The following CNTNAP2 variants were observed in gnomAD, a reference collection of about 807,000 sequenced individuals.
CNTNAP2 encodes contactin associated protein 2.
A neutral mutation model predicts 155.2 loss-of-function variants in CNTNAP2; 98 were observed. The observed-to-expected ratio is 0.63, with a 90% CI of 0.54 to 0.75. The LOEUF (loss-of-function observed/expected upper bound fraction) is 0.75, where lower values mean the gene tolerates loss of function less well. Ranked by LOEUF, CNTNAP2 falls within the 30% of genes least tolerant of loss-of-function variation. CNTNAP2 has a pLI of 0.00. For synonymous variants in CNTNAP2, 651 were observed against 631.2 expected, an observed-to-expected ratio of 1.03 and a Z score of -0.47; for missense variants, 1,727 against 1,688.1, an observed-to-expected ratio of 1.02 and a Z score of -0.40.
chr7:148,022,480 A>AGAAAGAAAAAAAG (rs1554463128), intron 15 of CNTNAP2, among the ~76,000 whole-genome samples: 1 of 138,288 alleles, frequency 7.2e-6, no homozygotes, highest in African/African-American at 2.7e-5. Flanking sequence ...AAAAAAAAAA[A>AGAAAGAAAAAAAG]AAAAGAAAAG....
At chr7:147,541,720 A>G (rs1799643568) in intron 11 of CNTNAP2, among the ~76,000 whole-genome samples, 1 of 152,216 alleles carries the variant, frequency 6.6e-6, no homozygotes, top group Non-Finnish European at 1.5e-5. Flanking sequence ...TGGAATGCAT[A>G]GAACTATTTA....
Position 147,429,737 on chromosome 7 carries a change from T to C in CNTNAP2, c.1670+33957T>C, listed in dbSNP as rs142291473. Among the ~76,000 whole-genome samples the C allele has an allele frequency of 2.5e-3, 384 of 152,302 alleles. 2 individuals are homozygous for C. Among genetic ancestry groups the C allele is most frequent in the Admixed American group, 0.023 (351 of 15,296 alleles). On this transcript the variant is annotated intron_variant, in intron 10 of 23. Coordinates refer to ENST00000361727, the MANE Select transcript of CNTNAP2 (RefSeq NM_014141.6). ...GATCCATCTTGAGTTGATTTTTGTATAAAGTGAGAGATGAGGATCCAGTTT... is the reference window on the plus strand; with the variant it reads ...GATCCATCTTGAGTTGATTTTTGTACAAAGTGAGAGATGAGGATCCAGTTT...
In CNTNAP2 at chr7:148,378,926, G is replaced by T. The variant is rs1327296646; in HGVS notation, c.3476-4723G>T. ...TCTGTGAATTACCTAAAGACCCCCA[G>T]TGCCACCAGTGCGACATACTTCACC... On this transcript the variant is annotated intron_variant, in intron 21 of 23. Coordinates refer to ENST00000361727, the MANE Select transcript of CNTNAP2 (RefSeq NM_014141.6). Among the ~76,000 whole-genome samples, 2 of 66,850 alleles carry T rather than the reference G, an allele frequency of 3.0e-5. 1 individual carries two copies. Among genetic ancestry groups the T allele is most frequent in the Non-Finnish European group, 8.3e-5 (2 of 24,010 alleles). The allele number at this position is 66,850 out of a possible 152,430, so 43.9% of individuals were successfully genotyped here.
At chr7:146,458,418 G>A (rs539954499) in intron 1 of CNTNAP2, among the ~76,000 whole-genome samples, 2 of 152,060 alleles carry the variant, frequency 1.3e-5, no homozygotes, top group South Asian at 2.1e-4. Context: ...CGAAAACCAC[G>A]CAGGAATGTA....
intron 16 of CNTNAP2, among the ~76,000 whole-genome samples, chr7:148,146,614 A>G (rs1377067118): frequency 6.6e-6 from 1 of 152,224 alleles, no homozygotes; most frequent in African/African-American, 2.4e-5. Flanking sequence ...GGAGCCTACA[A>G]CCCAGATGGG....
intron 10 of CNTNAP2, among the ~76,000 whole-genome samples, chr7:147,422,812 AC>A (rs763007901): frequency 3.9e-5 from 6 of 152,162 alleles, no homozygotes; most frequent in Non-Finnish European, 8.8e-5. Flanking sequence ...GTTTTTCAAA[AC>A]CCTTTAAATA....
chr7:147,109,118 C>A (rs1045985367), intron 5 of CNTNAP2, among the ~76,000 whole-genome samples: 2 of 152,120 alleles, frequency 1.3e-5, no homozygotes, highest in African/African-American at 4.8e-5. Flanking sequence ...TATTTTTTAT[C>A]AAGCGCATTG....
At chr7:148,083,405 G>A (rs374490064) in intron 15 of CNTNAP2, among the ~76,000 whole-genome samples, 1 of 152,134 alleles carries the variant, frequency 6.6e-6, no homozygotes, top group Non-Finnish European at 1.5e-5. Context: ...CATTTGTAAG[G>A]GAGAAAACGA....
At chr7:147,325,449 C>T (rs1174958659) in intron 9 of CNTNAP2, among the ~76,000 whole-genome samples, 2 of 152,044 alleles carry the variant, frequency 1.3e-5, no homozygotes, top group African/African-American at 2.4e-5. Flanking sequence ...TTATGCGGTT[C>T]TTGCTTTTCT....
In CNTNAP2 at chr7:146,663,652, A is replaced by G. The variant is rs114041446; in HGVS notation, c.98-110619A>G. On this transcript the variant is annotated intron_variant, in intron 1 of 23. Transcript: ENST00000361727. ...TATTTTAAACTGTACTTTTTCCCTCATTTGATCATGAATTGTTATTTCTAA... is the reference window on the plus strand; with the variant it reads ...TATTTTAAACTGTACTTTTTCCCTCGTTTGATCATGAATTGTTATTTCTAA... Among the ~76,000 whole-genome samples the G allele has an allele frequency of 6.3e-3, 951 of 151,944 alleles. 9 individuals carry two copies. The highest frequency in any genetic ancestry group is 0.022 in the African/African-American group (910 of 41,456).
At chr7:146,553,456 A>C (rs1209936522) in intron 1 of CNTNAP2, among the ~76,000 whole-genome samples, 1 of 152,004 alleles carries the variant, frequency 6.6e-6, no homozygotes, top group Non-Finnish European at 1.5e-5. Flanking sequence ...ATATATACCA[A>C]GACAAAATTA....
In CNTNAP2 at chr7:147,557,030, GGGAGGCTGAGGCAGGCGGGGGTCA is replaced by G. The variant is rs1211853932; in HGVS notation, c.1778-5104_1778-5081del. 4.4e-3 allele frequency among the ~76,000 whole-genome samples: 665 copies of G among 151,722 alleles called. 5 individuals carry two copies. Among genetic ancestry groups the G allele is most frequent in the African/African-American group, 0.015 (621 of 41,390 alleles). On this transcript the variant is annotated intron_variant, in intron 11 of 23. Coordinates refer to ENST00000361727, the MANE Select transcript of CNTNAP2 (RefSeq NM_014141.6). ...TGGGAGGCTGAGGCAGGCGGGGGTCGGGAGGCTGAGGCAGGCGGGGGTCAGGATTTTGAGACCAGCTTGGCCAAC... is the reference window on the plus strand; with the variant it reads ...TGGGAGGCTGAGGCAGGCGGGGGTCGGGATTTTGAGACCAGCTTGGCCAAC...
At chr7:147,598,929 GATTATAAGT>G in intron 12 of CNTNAP2, among the ~76,000 whole-genome samples, 1 of 152,134 alleles carries the variant, frequency 6.6e-6, no homozygotes, top group East Asian at 1.9e-4. Flanking sequence ...CTTCTGTGAT[GATTATAAGT>G]TTCCTGAGGC....
At position 147,789,414 on chromosome 7, in the gene CNTNAP2, A is replaced by AT. The variant is rs1563089882; in HGVS notation, c.2099-114149dup. Among the ~76,000 whole-genome samples the AT allele has an allele frequency of 4.6e-5, 7 of 152,058 alleles. No individual in the cohort carries two copies. In the South Asian group the frequency reaches 1.5e-3, roughly 32 times the overall value. On this transcript the variant is annotated intron_variant, in intron 13 of 23. Transcript: ENST00000361727. ...AAATCCAGTCTCCCCACTGCTCACA[A>AT]TTCTCTGGCATCTTCTTATCACTCT...
At chr7:147,203,853 G>C (rs1802968822) in intron 8 of CNTNAP2, among the ~76,000 whole-genome samples, 1 of 152,010 alleles carries the variant, frequency 6.6e-6, no homozygotes, top group Non-Finnish European at 1.5e-5. Flanking sequence ...AATTGTACCA[G>C]CTAGAATAAA....
At chr7:147,353,503 T>C (rs1415999994) in intron 9 of CNTNAP2, among the ~76,000 whole-genome samples, 4 of 152,140 alleles carry the variant, frequency 2.6e-5, no homozygotes, top group Non-Finnish European at 5.9e-5. Context: ...TGCATAGTAT[T>C]CCGTGGTGTA....
intron 1 of CNTNAP2, among the ~76,000 whole-genome samples, chr7:146,303,037 C>G (rs981171945): frequency 2.0e-5 from 3 of 150,992 alleles, no homozygotes; most frequent in African/African-American, 7.3e-5. Context: ...TATTGAGATT[C>G]AGAGATGGGA....
chr7:146,996,524 A>G (rs553867146), intron 3 of CNTNAP2, among the ~76,000 whole-genome samples: 1 of 152,074 alleles, frequency 6.6e-6, no homozygotes, highest in African/African-American at 2.4e-5. Flanking sequence ...CTGTTAGTGT[A>G]CAGAAACACT....
intron 1 of CNTNAP2, among the ~76,000 whole-genome samples, chr7:146,633,853 A>AAAAAAAAAAAAAAAAAG: frequency 7.3e-6 from 1 of 136,194 alleles, no homozygotes; most frequent in Non-Finnish European, 1.6e-5. Context: ...AAAAAAAAAA[A>AAAAAAAAAAAAAAAAAG]AAACAGAAAC....
Sources: allele counts gnomAD v4.1 joint callset (sites outside exome capture counted in the v4.1 genomes callset), GRCh38; gene constraint gnomAD v4.1.1; transcripts MANE v1.5; gene names NCBI Gene and HGNC (gene_info 2026-07-23, HGNC 2026-07-21).